Variants in SMURF1 observed in about 807,000 individuals in gnomAD.
The protein encoded by SMURF1 is E3 ubiquitin-protein ligase SMURF1.
In SMURF1, 44 loss-of-function variants were observed where a neutral mutation model predicts 98.0. That is an observed-to-expected ratio of 0.45 (90% CI 0.35 to 0.58). The LOEUF is 0.58. Among genes scored for constraint, SMURF1 ranks in the 20% least tolerant of loss-of-function variants. The pLI is 0.00. For missense variants in SMURF1, 687 were observed against 938.4 expected (o/e 0.73, Z 3.50); for synonymous variants, 396 against 374.9 (o/e 1.06, Z -0.65).
At chr7:99,088,975 G>A (rs1462340034) in intron 1 of SMURF1, among the ~76,000 whole-genome samples, 1 of 152,184 alleles carries the variant, frequency 6.6e-6, no homozygotes, top group Non-Finnish European at 1.5e-5. Context: ...GGAGGCTGAG[G>A]CGGGCAGATC....
intron 9 of SMURF1, chr7:99,049,324 G>A (rs1795682725): frequency 8.5e-6 from 4 of 472,648 alleles, no homozygotes; most frequent in Non-Finnish European, 1.1e-5. Flanking sequence ...CTGCCATCTC[G>A]GTAAATTTTA....
At chr7:99,135,350 T>C (rs890233111) in intron 1 of SMURF1, among the ~76,000 whole-genome samples, 2 of 152,166 alleles carry the variant, frequency 1.3e-5, no homozygotes, top group African/African-American at 4.8e-5. Flanking sequence ...TCTCCCTCTC[T>C]CCTCTCTCTT....
chr7:99,049,512 C>A (rs1332385076), intron 9 of SMURF1, 51 bp downstream of exon 9: 1 of 1,569,198 alleles, frequency 6.4e-7, no homozygotes, highest in Non-Finnish European at 8.7e-7. Context: ...TCCAAGAAAG[C>A]ATTCGATTAC....
intron 11 of SMURF1, among the ~76,000 whole-genome samples, chr7:99,043,667 G>C (rs1795466672): frequency 6.6e-6 from 1 of 152,190 alleles, no homozygotes; most frequent in South Asian, 2.1e-4. Context: ...CATTCATTTG[G>C]CACATATTTA....
chr7:99,119,051 A>C (rs1797532507), intron 1 of SMURF1, among the ~76,000 whole-genome samples: 1 of 99,132 alleles, frequency 1.0e-5, no homozygotes, highest in Admixed American at 1.5e-4. Flanking sequence ...TTTTAGAGAC[A>C]GGGTCTCGCT....
rs1171816491 is a variant in SMURF1 at position 99,035,480 on chromosome 7, GCGTCATCGAATAGCC to G, written c.2011+20_2011+34del. 5.6e-6 allele frequency: 9 copies of G among 1,610,596 alleles called. No homozygotes were observed. Among genetic ancestry groups the G allele is most frequent in the Non-Finnish European group, 6.8e-6 (8 of 1,177,670 alleles). On this transcript the variant is annotated intron_variant, in intron 16 of 17. Coordinates refer to ENST00000361368, the MANE Select transcript of SMURF1 (RefSeq NM_181349.3). The stretch of plus-strand genomic sequence containing the variant: ...CTTCCTGCCCACAGCGCACATAGAC[GCGTCATCGAATAGCC>G]CTGCCTCCACGTCAGTCACCTTGCA...
chr7:99,071,537 C>A (rs773772915), intron 1 of SMURF1, among the ~76,000 whole-genome samples: 1 of 152,170 alleles, frequency 6.6e-6, no homozygotes, highest in Non-Finnish European at 1.5e-5. Context: ...AACACCCTCA[C>A]AGAATCTGCA....
At chr7:99,123,159 T>C (rs1217093384) in intron 1 of SMURF1, among the ~76,000 whole-genome samples, 1 of 152,002 alleles carries the variant, frequency 6.6e-6, no homozygotes, top group East Asian at 1.9e-4. Context: ...ATATATGCAA[T>C]ACATAATAAT....
chr7:99,076,898 C>T (rs1236873660), intron 1 of SMURF1, among the ~76,000 whole-genome samples: 3 of 151,586 alleles, frequency 2.0e-5, no homozygotes, highest in African/African-American at 2.4e-5. Flanking sequence ...CGTGTGTGCG[C>T]GTGTGGGGGC....
At chr7:99,094,045 T>C (rs965224936) in intron 1 of SMURF1, among the ~76,000 whole-genome samples, 1 of 152,202 alleles carries the variant, frequency 6.6e-6, no homozygotes, top group African/African-American at 2.4e-5. Context: ...TTTGTGTGTG[T>C]GCGTGATGTG....
chr7:99,030,805 T>A lies in SMURF1; in HGVS notation c.2097-122A>T. 4.6e-6 allele frequency: 3 copies of A among 656,482 alleles called. No homozygotes were observed. In the East Asian group the frequency reaches 8.2e-5, roughly 18 times the overall value. The allele number at this position is 656,482 out of a possible 1,614,324, so 40.7% of individuals were successfully genotyped here. A position where few individuals can be genotyped will look rare whatever the true frequency, so the allele number is the denominator to read the frequency against. ...GAGAGGAATGGGGGGTGGGGCAGGG[T>A]TGGTGATGAGTTCTCCATGTCCCCT... On this transcript the variant is annotated intron_variant, in intron 17 of 17. Coordinates refer to ENST00000361368, the MANE Select transcript of SMURF1 (RefSeq NM_181349.3).
chr7:99,050,504 T>C (rs1167430375), intron 8 of SMURF1: 1 of 158,824 alleles, frequency 6.3e-6, no homozygotes, highest in Non-Finnish European at 1.4e-5. Context: ...CATTTTCAAA[T>C]GGGCTTTTTG....
intron 1 of SMURF1, among the ~76,000 whole-genome samples, chr7:99,096,102 G>A (rs906786764): frequency 3.3e-5 from 5 of 152,200 alleles, no homozygotes; most frequent in African/African-American, 1.2e-4. Flanking sequence ...TCAGCTGAGT[G>A]ACCAAGAAAA....
chr7:99,049,611 T>C lies in SMURF1; in HGVS notation c.905A>G (p.Asn302Ser). 4 of 1,614,244 alleles carry C rather than the reference T, an allele frequency of 2.5e-6. No homozygotes were observed. In the African/African-American group the frequency reaches 5.3e-5, roughly 22 times the overall value. Residue 302 changes from asparagine to serine, a missense_variant, in exon 9 of 18, where the codon AAT becomes AGT. By Grantham distance (46) the Asn-to-Ser change is conservative (BLOSUM62 1). Transcript: ENST00000361368. Reference protein sequence around the residue: ...VSGRIYFVDHNNRTTQFTDPR... With the variant: ...VSGRIYFVDHSNRTTQFTDPR... ...GTCTGTAAACTGGGTTGTTCGGTTATTATGATCTACAAAATATATCCTCCC... is the reference window on the plus strand; with the variant it reads ...GTCTGTAAACTGGGTTGTTCGGTTACTATGATCTACAAAATATATCCTCCC...
intron 1 of SMURF1, among the ~76,000 whole-genome samples, chr7:99,079,949 C>T (rs1415250607): frequency 6.8e-6 from 1 of 147,578 alleles, no homozygotes; most frequent in Non-Finnish European, 1.5e-5. Flanking sequence ...AAAGGGGAAA[C>T]AACTGTCAGT....
At chr7:99,056,735 G>A (rs1795884322) in intron 5 of SMURF1, among the ~76,000 whole-genome samples, 1 of 152,168 alleles carries the variant, frequency 6.6e-6, no homozygotes, top group Non-Finnish European at 1.5e-5. Context: ...GGGCATGGTG[G>A]CTCACGCCTG....
At chr7:99,107,689 T>G (rs924587329) in intron 1 of SMURF1, among the ~76,000 whole-genome samples, 1 of 152,186 alleles carries the variant, frequency 6.6e-6, no homozygotes, top group Non-Finnish European at 1.5e-5. Context: ...CTAAACAGCA[T>G]ACAGTTACAG....
At chr7:99,137,918 C>A (rs1332641524) in intron 1 of SMURF1, among the ~76,000 whole-genome samples, 1 of 152,120 alleles carries the variant, frequency 6.6e-6, no homozygotes, top group East Asian at 1.9e-4. Context: ...AAGATATGCC[C>A]AAGCCCCATA....
intron 2 of SMURF1, 126 bp from the exon 3 acceptor site, chr7:99,060,833 G>C: frequency 1.7e-6 from 1 of 574,840 alleles, no homozygotes. Flanking sequence ...TGTCTATTGA[G>C]CTTTCTAAGA....
Sources: allele counts gnomAD v4.1 joint callset (sites outside exome capture counted in the v4.1 genomes callset), GRCh38; gene constraint gnomAD v4.1.1; transcripts MANE v1.5; gene names NCBI Gene and HGNC (gene_info 2026-07-23, HGNC 2026-07-21).